The following PRKG1 variants were observed in gnomAD, a reference collection of about 807,000 sequenced individuals.
The protein encoded by PRKG1 is protein kinase cGMP-dependent 1.
A neutral mutation model predicts 88.1 loss-of-function variants in PRKG1; 35 were observed. The ratio of observed to expected loss-of-function variants is 0.40; its 90% CI spans 0.30 to 0.53. The LOEUF is 0.53. Ranked by LOEUF, PRKG1 falls within the 20% of genes least tolerant of loss-of-function variation. The pLI, the probability that PRKG1 is intolerant of heterozygous loss-of-function variation, is 0.59. For synonymous variants in PRKG1, 303 were observed against 292.5 expected, an observed-to-expected ratio of 1.04 and a Z score of -0.37; for missense variants, 540 against 839.8, an observed-to-expected ratio of 0.64 and a Z score of 4.41.
chr10:51,115,727 T>C (rs4271340), intron 1 of PRKG1, among the ~76,000 whole-genome samples: 120,084 of 150,748 alleles, frequency 0.8, 48,402 homozygotes, highest in South Asian at 0.88. Context: ...GTCCCAGCTA[T>C]TCGGGACGCT....
intron 2 of PRKG1, chr10:51,245,008 G>T (rs1015422258): frequency 6.6e-6 from 1 of 152,040 alleles, no homozygotes; most frequent in Admixed American, 6.6e-5. Flanking sequence ...ATAACACCAA[G>T]AGTTGATTAG....
intron 1 of PRKG1, among the ~76,000 whole-genome samples, chr10:51,032,729 A>G (rs979723881): frequency 1.3e-5 from 2 of 152,178 alleles, no homozygotes; most frequent in Non-Finnish European, 2.9e-5. Flanking sequence ...ACTGCACTAC[A>G]TGCAGTGGGG....
intron 5 of PRKG1, among the ~76,000 whole-genome samples, chr10:51,919,533 A>G (rs1430216726): frequency 6.7e-6 from 1 of 149,146 alleles, no homozygotes; most frequent in Non-Finnish European, 1.5e-5. Context: ...CATTCTGCAG[A>G]TTTTTTTTTT....
intron 7 of PRKG1, chr10:52,128,113 C>A: frequency 3.0e-6 from 3 of 985,258 alleles, no homozygotes; most frequent in Non-Finnish European, 3.6e-6. Flanking sequence ...GCTGTGTGAA[C>A]TAAACTTAAC....
intron 3 of PRKG1, among the ~76,000 whole-genome samples, chr10:51,773,421 T>C (rs933264597): frequency 6.6e-6 from 1 of 152,018 alleles, no homozygotes; most frequent in Admixed American, 6.6e-5. Flanking sequence ...TGTAACTGCT[T>C]AAAGGTGCAT....
chr10:51,698,225 G>T (rs774154367), intron 3 of PRKG1: 1 of 1,613,870 alleles, frequency 6.2e-7, no homozygotes, highest in African/African-American at 1.3e-5. Flanking sequence ...GGTTTCCATC[G>T]CACAGGTCTC....
intron 2 of PRKG1, among the ~76,000 whole-genome samples, chr10:51,178,727 A>AC (rs1412533734): frequency 6.6e-6 from 1 of 152,216 alleles, no homozygotes; most frequent in Non-Finnish European, 1.5e-5. Flanking sequence ...TTGGCCTGAG[A>AC]CATATCTCAT....
At chr10:51,989,306 T>C (rs1844242383) in intron 5 of PRKG1, among the ~76,000 whole-genome samples, 1 of 152,082 alleles carries the variant, frequency 6.6e-6, no homozygotes. Flanking sequence ...TTGAGATTAG[T>C]AGGGAACAGT....
chr10:51,040,275 CT>C (rs1475633837), intron 1 of PRKG1, among the ~76,000 whole-genome samples: 10 of 77,702 alleles, frequency 1.3e-4, no homozygotes, highest in African/African-American at 4.3e-4. Context: ...TGTGTGTGAC[CT>C]CTTTAATTTC....
intron 2 of PRKG1, among the ~76,000 whole-genome samples, chr10:51,290,393 G>C (rs940705933): frequency 1.3e-5 from 2 of 152,100 alleles, no homozygotes; most frequent in African/African-American, 4.8e-5. Context: ...AGCCTAGGAG[G>C]CAGGAGGATT....
At chr10:52,205,562 T>A (rs1839797795) in intron 9 of PRKG1, among the ~76,000 whole-genome samples, 1 of 152,212 alleles carries the variant, frequency 6.6e-6, no homozygotes. Flanking sequence ...TGGTCTTTTT[T>A]TAATTTTAGC....
At chr10:52,124,771 G>A (rs1208960927) in intron 7 of PRKG1, among the ~76,000 whole-genome samples, 9 of 151,854 alleles carry the variant, frequency 5.9e-5, no homozygotes, top group African/African-American at 7.3e-5. Context: ...TATTCTATAA[G>A]ATTTTTTCTA....
intron 3 of PRKG1, among the ~76,000 whole-genome samples, chr10:51,711,424 C>G (rs960796615): frequency 6.6e-6 from 1 of 152,090 alleles, no homozygotes; most frequent in African/African-American, 2.4e-5. Flanking sequence ...TTTTCATATA[C>G]AGTCTCCTAA....
At chr10:52,036,199 G>A (rs902170914) in intron 5 of PRKG1, among the ~76,000 whole-genome samples, 13 of 152,020 alleles carry the variant, frequency 8.6e-5, no homozygotes, top group Non-Finnish European at 1.3e-4. Context: ...AAGTGAAAGT[G>A]AAGAGAGGCT....
At chr10:52,222,241 C>T (rs1037066890) in intron 9 of PRKG1, among the ~76,000 whole-genome samples, 12 of 152,100 alleles carry the variant, frequency 7.9e-5, no homozygotes, top group African/African-American at 2.9e-4. Flanking sequence ...GAAACATTAG[C>T]CTGCTTCTGC....
chr10:51,989,884 A>G (rs1030457622), intron 5 of PRKG1, among the ~76,000 whole-genome samples: 3 of 152,144 alleles, frequency 2.0e-5, no homozygotes, highest in African/African-American at 7.2e-5. Context: ...CATTGCCCAG[A>G]CCAATATCAT....
At chr10:51,574,614 T>C (rs944077598) in intron 3 of PRKG1, among the ~76,000 whole-genome samples, 1 of 151,978 alleles carries the variant, frequency 6.6e-6, no homozygotes, top group African/African-American at 2.4e-5. Flanking sequence ...GTGTTACTGT[T>C]AGCTAGTTGT....
At chr10:51,872,701 C>A (rs1013522044) in intron 4 of PRKG1, among the ~76,000 whole-genome samples, 2 of 152,090 alleles carry the variant, frequency 1.3e-5, no homozygotes, top group African/African-American at 4.8e-5. Flanking sequence ...AAGCAAGTAG[C>A]ATTTTTATTT....
intron 3 of PRKG1, among the ~76,000 whole-genome samples, chr10:51,613,084 A>C (rs1838953498): frequency 6.6e-6 from 1 of 151,348 alleles, no homozygotes; most frequent in African/African-American, 2.4e-5. Flanking sequence ...TTTTATTTTA[A>C]GGAGGATTGA....
Sources: gnomAD v4.1 joint callset for allele counts (sites outside exome capture counted in the v4.1 genomes callset) on GRCh38, gnomAD v4.1.1 for gene constraint, MANE v1.5 for transcripts, NCBI Gene and HGNC (gene_info 2026-07-23, HGNC 2026-07-21) for gene names.